The following LITAFD variants were observed in gnomAD, a reference collection of about 807,000 sequenced individuals.
The protein encoded by LITAFD is LITAF domain containing, also known as lITAF domain-containing protein.
chr16:8,883,583 G>T (rs770405046), intron 2 of LITAFD, among the ~76,000 whole-genome samples: 1 of 151,932 alleles, frequency 6.6e-6, no homozygotes, highest in African/African-American at 2.4e-5. Context: ...GTAGACTCCC[G>T]TTCTCTACTC....
intron 3 of LITAFD, 79 bp from the exon 4 acceptor site, chr16:8,885,106 ACT>A: frequency 2.5e-6 from 1 of 398,810 alleles, no homozygotes; most frequent in Admixed American, 4.4e-5. Context: ...CCCCTCCCAG[ACT>A]CTGCCTGGGT....
chr16:8,884,597 G>A (rs895682648), intron 3 of LITAFD, 132 bp downstream of exon 3: 24 of 397,164 alleles, frequency 6.0e-5, no homozygotes, highest in Admixed American at 8.8e-5. Flanking sequence ...CAGTTGGGTG[G>A]GGCCATTACC....
At position 8,885,284 on chromosome 16, in the gene LITAFD, C is replaced by CA. The variant is rs2061561110; in HGVS notation, c.209dup (p.His70GlnfsTer?). 1 of 399,178 alleles carries CA rather than the reference C, an allele frequency of 2.5e-6. No individual in the cohort carries two copies. Among genetic ancestry groups the CA allele is most frequent in the East Asian group, 3.6e-5 (1 of 28,082 alleles). 24.7% of individuals were successfully genotyped at this position (399,178 alleles called of 1,614,324 possible). The stretch of plus-strand genomic sequence containing the variant: ...GTGTCAGCGCGAGCTCTTCTACTAC[C>CA]ACCGCCTGTGAGCCCCCAAGAAATA... On this transcript the variant is annotated frameshift_variant, in exon 4 of 4. Transcript: ENST00000636296. LOFTEE classifies it high-confidence loss of function.
intron 3 of LITAFD, 158 bp from the exon 4 acceptor site, chr16:8,885,029 C>A: frequency 5.0e-6 from 2 of 398,892 alleles, no homozygotes; most frequent in Non-Finnish European, 8.8e-6. Flanking sequence ...GCCAAGATCA[C>A]GCCACTGCAC....
intron 1 of LITAFD, 126 bp downstream of exon 1, chr16:8,882,636 C>G (rs1261139536): frequency 6.5e-6 from 1 of 152,784 alleles, no homozygotes; most frequent in East Asian, 1.9e-4. Context: ...CCTCAGTCCT[C>G]ACCACCCTTC....
chr16:8,884,461 T>G (rs2061555838), exon 3 of LITAFD: 2 of 395,964 alleles, frequency 5.1e-6, no homozygotes, highest in South Asian at 2.6e-4. Flanking sequence ...CCTCTTCCTG[T>G]TCGGGTGAGT....
intron 3 of LITAFD, among the ~76,000 whole-genome samples, chr16:8,884,915 TCTCTAA>T (rs1372044988): frequency 7.9e-5 from 12 of 152,254 alleles, no homozygotes; most frequent in South Asian, 2.1e-4. Flanking sequence ...TGAAACCCTG[TCTCTAA>T]CTCTATTAAA....
chr16:8,884,945 C>T, intron 3 of LITAFD: 1 of 396,500 alleles, frequency 2.5e-6, no homozygotes, highest in Non-Finnish European at 4.4e-6. Context: ...ACAAAATTAG[C>T]CGGGTGTGGT....
chr16:8,884,099 G>C (rs1372766276), intron 2 of LITAFD, among the ~76,000 whole-genome samples: 3 of 152,022 alleles, frequency 2.0e-5, no homozygotes, highest in Non-Finnish European at 1.5e-5. Context: ...AGCACCCTTA[G>C]AGCCCACTGG....
rs1233064473 is a variant in LITAFD, at chr16:8,882,423, G to C, written c.-198G>C. The C allele has an allele frequency of 6.6e-6, 1 of 152,610 alleles. No homozygotes were observed. The highest frequency in any genetic ancestry group is 2.4e-5 in the African/African-American group (1 of 41,474). 9.5% of individuals were successfully genotyped at this position (152,610 alleles called of 1,614,324 possible). On this transcript the variant is annotated 5_prime_UTR_variant, in exon 1 of 4. An upstream start codon of the reference 5' UTR is lost. Coordinates refer to ENST00000636296, the Ensembl canonical transcript of LITAFD. ...TGAGAATTCCTAGAAATAAGCACATGAGCACTCGGAGCTCAGAACACGGTG... is the reference window on the plus strand; with the variant it reads ...TGAGAATTCCTAGAAATAAGCACATCAGCACTCGGAGCTCAGAACACGGTG...
At chr16:8,885,080 C>A (rs188840829) in intron 3 of LITAFD, 107 bp from the exon 4 acceptor site, 51 of 399,012 alleles carry the variant, frequency 1.3e-4, no homozygotes, top group African/African-American at 9.6e-4. Context: ...CTCAAACATA[C>A]ACACACACGC....
chr16:8,884,669 G>C (rs952936689), intron 3 of LITAFD, among the ~76,000 whole-genome samples: 2 of 152,198 alleles, frequency 1.3e-5, no homozygotes, highest in African/African-American at 2.4e-5. Flanking sequence ...GCAGGGAGTG[G>C]AGGGGTGAGT....
Position 8,884,316 on chromosome 16 carries a change from C to G in LITAFD, c.-33-7C>G, listed in dbSNP as rs938249715. The G allele has an allele frequency of 7.5e-6, 3 of 399,036 alleles. No individual in the cohort carries two copies. Among genetic ancestry groups the G allele is most frequent in the African/African-American group, 6.2e-5 (3 of 48,636 alleles). The allele number at this position is 399,036 out of a possible 1,614,324, so 24.7% of individuals were successfully genotyped here. A position where few individuals can be genotyped will look rare whatever the true frequency, so the allele number is the denominator to read the frequency against. ...TCCCACCTGCTTCCCGCTTCCCACT[C>G]CCACAGCTGTATGCCGGCATGTCCG... On this transcript the variant is annotated splice_region_variant and splice_polypyrimidine_tract_variant and intron_variant, in intron 2 of 3. Transcript: ENST00000636296.
exon 3 of LITAFD, chr16:8,884,441 T>C (rs1256661423): frequency 7.6e-6 from 3 of 395,788 alleles, no homozygotes; most frequent in African/African-American, 6.2e-5. Flanking sequence ...ACCTGGCTGC[T>C]GTGTACCACC....
At chr16:8,882,978 G>A (rs1206582643) in intron 1 of LITAFD, among the ~76,000 whole-genome samples, 1 of 152,182 alleles carries the variant, frequency 6.6e-6, no homozygotes, top group Non-Finnish European at 1.5e-5. Context: ...TGGGATTACA[G>A]GCGTGCGCCA....
Position 8,885,180 on chromosome 16 carries a change from G to A in LITAFD, c.111-7G>A. 1 of 399,316 alleles carries A rather than the reference G, an allele frequency of 2.5e-6. No homozygotes were observed. 24.7% of individuals were successfully genotyped at this position (399,316 alleles called of 1,614,324 possible). A position where few individuals can be genotyped will look rare whatever the true frequency, so the allele number is the denominator to read the frequency against. Reference sequence around the variant, plus strand: ...GCTCACGCCCAGCCTCCGCTCCGGGGCTGCAGGTACGTCCTGGGCTGCTGC... The same window carrying A: ...GCTCACGCCCAGCCTCCGCTCCGGGACTGCAGGTACGTCCTGGGCTGCTGC... On this transcript the variant is annotated splice_polypyrimidine_tract_variant and splice_region_variant and intron_variant, in intron 3 of 3. Transcript: ENST00000636296.
intron 1 of LITAFD, 125 bp downstream of exon 1, chr16:8,882,635 TCAC>T (rs1471605708): frequency 6.6e-6 from 1 of 152,610 alleles, no homozygotes; most frequent in Non-Finnish European, 1.5e-5. Flanking sequence ...CCCTCAGTCC[TCAC>T]CACCCTTCCC....
chr16:8,884,260 G>A (rs1465497023), intron 2 of LITAFD, 63 bp from the exon 3 acceptor site: 4 of 397,872 alleles, frequency 1.0e-5, no homozygotes, highest in Admixed American at 8.8e-5. Flanking sequence ...CATGGGAATT[G>A]AGAAGCCACA....
chr16:8,884,373 G>T, exon 3 of LITAFD: 1 of 399,186 alleles, frequency 2.5e-6, no homozygotes, highest in Non-Finnish European at 4.4e-6. Context: ...TGCAGGCCGT[G>T]TGTCCCTACT....
Sources: gnomAD v4.1 joint callset for allele counts (sites outside exome capture counted in the v4.1 genomes callset) on GRCh38, gnomAD v4.1.1 for gene constraint, MANE v1.5 for transcripts, NCBI Gene and HGNC (gene_info 2026-07-23, HGNC 2026-07-21) for gene names.